Variants in HOOK2 observed in about 807,000 individuals in gnomAD.
HOOK2 encodes hook microtubule tethering protein 2, also known as protein Hook homolog 2.
A neutral mutation model predicts 111.9 loss-of-function variants in HOOK2; 108 were observed. The ratio of observed to expected loss-of-function variants is 0.96; its 90% CI spans 0.83 to 1.13. The LOEUF is 1.13. HOOK2 is among the 50% of genes most tolerant of loss of function. The pLI is 0.00. For missense variants in HOOK2, 978 were observed against 951.3 expected (o/e 1.03, Z -0.37); for synonymous variants, 405 against 394.3 (o/e 1.03, Z -0.32).
intron 3 of HOOK2, 195 bp from the exon 4 acceptor site, chr19:12,773,239 T>A: frequency 2.0e-6 from 1 of 496,910 alleles, no homozygotes; most frequent in Non-Finnish European, 3.5e-6. Flanking sequence ...TTCTTTTTTT[T>A]TTTTTTTTTT....
intron 1 of HOOK2, 86 bp downstream of exon 1, chr19:12,775,319 A>T (rs1968468099): frequency 6.5e-7 from 1 of 1,548,344 alleles, no homozygotes; most frequent in African/African-American, 1.4e-5. Context: ...CAGCCCCAGC[A>T]CCAAGAGACT....
chr19:12,775,029 G>T, intron 1 of HOOK2, 132 bp from the exon 2 acceptor site: 1 of 1,118,792 alleles, frequency 8.9e-7, no homozygotes, highest in Non-Finnish European at 1.3e-6. Context: ...GCAGCTCTGC[G>T]AGGGACTGGC....
intron 11 of HOOK2, 79 bp downstream of exon 11, chr19:12,769,802 G>C: frequency 8.5e-7 from 1 of 1,176,296 alleles, no homozygotes; most frequent in Non-Finnish European, 1.1e-6. Flanking sequence ...GGGGATCAGG[G>C]GTGGGCGGAG....
rs1968054464 is a variant in HOOK2 at position 12,763,437 on chromosome 19, G to A, written c.2011-6C>T. 6 of 1,613,704 alleles carry A rather than the reference G, an allele frequency of 3.7e-6. No homozygotes were observed. Among genetic ancestry groups the A allele is most frequent in the African/African-American group, 1.3e-5 (1 of 75,072 alleles). Reference sequence around the variant, plus strand: ...CGCTGCTGCAAGGCCATGCCCTTCAGGAGGAGGTGTGGTTGGGGTCAGGTG... The same window carrying A: ...CGCTGCTGCAAGGCCATGCCCTTCAAGAGGAGGTGTGGTTGGGGTCAGGTG... On this transcript the variant is annotated splice_region_variant and splice_polypyrimidine_tract_variant and intron_variant, in intron 22 of 22. Transcript: ENST00000397668.
intron 11 of HOOK2, 105 bp from the exon 12 acceptor site, chr19:12,768,228 T>C (rs147717493): frequency 1.1e-6 from 1 of 920,232 alleles, no homozygotes; most frequent in East Asian, 2.5e-5. Context: ...ATTATTTTTT[T>C]GACTTTACTA....
chr19:12,769,631 C>A (rs1029416190), intron 11 of HOOK2, among the ~76,000 whole-genome samples: 1 of 152,130 alleles, frequency 6.6e-6, no homozygotes, highest in African/African-American at 2.4e-5. Flanking sequence ...GGTTAGGTAG[C>A]CCCAAGGAAA....
chr19:12,769,876 C>T lies in HOOK2; in HGVS notation c.1104+5G>A. On this transcript the variant is annotated splice_donor_5th_base_variant and intron_variant, in intron 11 of 22. Transcript: ENST00000397668. Reference sequence around the variant, plus strand: ...GCCCCGGCCCTAACCCCGCCCCCGCCGCACCTGCCGCCGCTGCGCCTCCAG... The same window carrying T: ...GCCCCGGCCCTAACCCCGCCCCCGCTGCACCTGCCGCCGCTGCGCCTCCAG... The T allele has an allele frequency of 7.0e-7, 1 of 1,438,656 alleles. No individual in the cohort carries two copies. The highest frequency in any genetic ancestry group is 9.0e-7 in the Non-Finnish European group (1 of 1,105,658). The allele number at this position is 1,438,656 out of a possible 1,614,324, so 89.1% of individuals were successfully genotyped here. A position where few individuals can be genotyped will look rare whatever the true frequency, so the allele number is the denominator to read the frequency against.
chr19:12,789,665 G>C (rs1424075897), intron 3 of HOOK2, among the ~76,000 whole-genome samples: 1 of 151,694 alleles, frequency 6.6e-6, no homozygotes, highest in South Asian at 2.1e-4. Context: ...CGCCCTCTCC[G>C]CGCCCCGTCG....
chr19:12,771,757 C>A, intron 7 of HOOK2: 1 of 459,086 alleles, frequency 2.2e-6, no homozygotes, highest in East Asian at 4.3e-5. Context: ...TGGCGTGTGC[C>A]TGTAGTCCTG....
At position 12,767,875 on chromosome 19, in the gene HOOK2, C is replaced by T. The variant is rs567858009; in HGVS notation, c.1244G>A (p.Arg415Gln). Reference sequence around the variant, plus strand: ...GCAGCGCAGCTCCTCATTGGCCTCCCGCAAGGAGTCCCGCTCCGCCAACAG... The same window carrying T: ...GCAGCGCAGCTCCTCATTGGCCTCCTGCAAGGAGTCCCGCTCCGCCAACAG... Reference protein sequence around the residue: ...ERLLAERDSLREANEELRCAQ... With the variant: ...ERLLAERDSLQEANEELRCAQ... The change falls in exon 13 of 23, where the codon CGG (arginine) becomes CAG (glutamine). Residue 415 changes from arginine to glutamine, a missense_variant. Physicochemically the swap from Arg to Gln is conservative, Grantham distance 43 (BLOSUM62 1). Coordinates refer to ENST00000397668, the MANE Select transcript of HOOK2 (RefSeq NM_013312.3). 6.2e-6 allele frequency: 10 copies of T among 1,608,714 alleles called. No homozygotes were observed. Among genetic ancestry groups the T allele is most frequent in the East Asian group, 4.5e-5 (2 of 44,878 alleles).
upstream of HOOK2, among the ~76,000 whole-genome samples, chr19:12,782,514 G>C (rs1968613348): frequency 6.6e-6 from 1 of 152,242 alleles, no homozygotes; most frequent in Non-Finnish European, 1.5e-5. Flanking sequence ...TCCGGGAGGC[G>C]CCCTCCCCGC....
At chr19:12,768,982 T>C (rs1050048477) in intron 11 of HOOK2, among the ~76,000 whole-genome samples, 60 of 148,054 alleles carry the variant, frequency 4.1e-4, no homozygotes, top group Middle Eastern at 3.6e-3. Context: ...TTTTTTTTTT[T>C]CGAGACGGAG....
At chr19:12,763,823 C>T (rs776454204) in intron 20 of HOOK2, 45 bp from the exon 21 acceptor site, 2 of 1,357,616 alleles carry the variant, frequency 1.5e-6, no homozygotes, top group African/African-American at 1.4e-5. Context: ...GGCCTTGAAA[C>T]CCCCTGGGAC....
At chr19:12,767,715 C>A (rs969349604) in intron 13 of HOOK2, 101 bp downstream of exon 13, 2 of 1,137,460 alleles carry the variant, frequency 1.8e-6, no homozygotes, top group Non-Finnish European at 1.3e-6. Context: ...TCCAGCCTGG[C>A]CTAGCTCTGT....
At chr19:12,781,726 A>G (rs1306410318), upstream of HOOK2, among the ~76,000 whole-genome samples, 2 of 152,090 alleles carry the variant, frequency 1.3e-5, no homozygotes, top group African/African-American at 2.4e-5. Context: ...ATGCGATGGC[A>G]TGACTATCTT....
In HOOK2 at chr19:12,764,937, A is replaced by T. The variant is rs959413057; in HGVS notation, c.1724-20T>A. 6 of 1,612,330 alleles carry T rather than the reference A, an allele frequency of 3.7e-6. No homozygotes were observed. The East Asian group carries it at 1.1e-4, about 30-fold the overall frequency. Reference sequence around the variant, plus strand: ...GGGCTGCTGGCGGAAGAGGTGGCCCATCAGCTCCACGCTGCTGGGCTCTGG... The same window carrying T: ...GGGCTGCTGGCGGAAGAGGTGGCCCTTCAGCTCCACGCTGCTGGGCTCTGG... On this transcript the variant is annotated intron_variant, in intron 19 of 22. Coordinates refer to ENST00000397668, the MANE Select transcript of HOOK2 (RefSeq NM_013312.3).
At chr19:12,788,323 A>G (rs2145801067) in intron 3 of HOOK2, among the ~76,000 whole-genome samples, 1 of 152,274 alleles carries the variant, frequency 6.6e-6, no homozygotes, top group South Asian at 2.1e-4. Flanking sequence ...GGATTGTTGG[A>G]AGCAGTCGAT....
In HOOK2 at chr19:12,786,765, C is replaced by T. The variant is rs2145799492; in HGVS notation, n.42-12540G>A. Among the ~76,000 whole-genome samples the T allele has an allele frequency of 6.6e-6, 1 of 152,340 alleles. No individual in the cohort carries two copies. Among genetic ancestry groups the T allele is most frequent in the Admixed American group, 6.5e-5 (1 of 15,310 alleles). ...TGTCTGGCCCAATCTCCACCCCGTG[C>T]TCAAACACCCATGCAGAGTGTTTGG... On this transcript the variant is annotated intron_variant and non_coding_transcript_variant, in intron 3 of 3. Transcript: ENST00000589765. The surrounding 1 kb of genome is among the most constrained non-coding windows in gnomAD (Gnocchi z 4.3).
intron 5 of HOOK2, 41 bp from the exon 6 acceptor site, chr19:12,772,721 G>T: frequency 6.2e-7 from 1 of 1,613,980 alleles, no homozygotes; most frequent in Non-Finnish European, 8.5e-7. Flanking sequence ...CAGGGGTGAG[G>T]TGGGGAGGAA....
Sources: gnomAD v4.1 joint callset for allele counts (sites outside exome capture counted in the v4.1 genomes callset) on GRCh38, gnomAD v4.1.1 for gene constraint, Gnocchi (gnomAD v3.1) non-coding constraint, MANE v1.5 for transcripts, NCBI Gene and HGNC (gene_info 2026-07-23, HGNC 2026-07-21) for gene names.